PCDHA9: variants seen among roughly 807,000 people sequenced by gnomAD.
The protein encoded by PCDHA9 is protocadherin alpha-9.
In PCDHA9, 62 loss-of-function variants were observed where a neutral mutation model predicts 62.0. The observed-to-expected ratio is 1.00, with a 90% CI of 0.81 to 1.23. The LOEUF is 1.23. PCDHA9 is among the 50% of genes most tolerant of loss of function. The probability of loss-of-function intolerance (pLI) is 0.00; values close to 1 mark genes in which losing one functional copy is unlikely to be tolerated. For missense variants in PCDHA9, 1,205 were observed against 1,249.8 expected (o/e 0.96, Z 0.54); for synonymous variants, 557 against 567.6 (o/e 0.98, Z 0.27).
At chr5:140,989,007 A>C (rs1356295875) in intron 3 of PCDHA9, 1 of 152,216 alleles carries the variant, frequency 6.6e-6, no homozygotes, top group Non-Finnish European at 1.5e-5. Flanking sequence ...ATAGAGACTT[A>C]TTATAGTTTC....
At chr5:140,987,982 C>T (rs781838400) in intron 3 of PCDHA9, among the ~76,000 whole-genome samples, 16 of 152,206 alleles carry the variant, frequency 1.1e-4, no homozygotes, top group Non-Finnish European at 1.5e-4. Flanking sequence ...TCCATGGAGA[C>T]TCCATCTCTG....
intron 1 of PCDHA9, chr5:140,967,008 A>C: frequency 6.2e-7 from 1 of 1,606,216 alleles, no homozygotes. Context: ...CGCATCAACC[A>C]TCTGGGTGCG....
intron 1 of PCDHA9, chr5:140,870,888 A>G: frequency 1.9e-6 from 3 of 1,613,936 alleles, no homozygotes; most frequent in Non-Finnish European, 2.5e-6. Context: ...AGGTGCGCGC[A>G]GTGGATGCGG....
chr5:140,982,615 A>G, intron 3 of PCDHA9, 52 bp downstream of exon 3: 1 of 1,596,392 alleles, frequency 6.3e-7, no homozygotes, highest in Non-Finnish European at 8.6e-7. Context: ...AAGTGATCAG[A>G]TGACCTACTT....
intron 3 of PCDHA9, among the ~76,000 whole-genome samples, chr5:140,999,519 G>A (rs1303009823): frequency 6.6e-6 from 1 of 152,074 alleles, no homozygotes; most frequent in Non-Finnish European, 1.5e-5. Context: ...TAAGCATTTT[G>A]TTACCCCCTG....
chr5:140,851,436 G>C, intron 1 of PCDHA9: 2 of 931,614 alleles, frequency 2.1e-6, no homozygotes, highest in East Asian at 2.3e-4. Context: ...TTAGAAAACA[G>C]TTGCTCCACT....
At chr5:140,930,962 T>A (rs1193722929) in intron 1 of PCDHA9, among the ~76,000 whole-genome samples, 2 of 152,184 alleles carry the variant, frequency 1.3e-5, no homozygotes, top group African/African-American at 4.8e-5. Flanking sequence ...AAATGTACTG[T>A]TTCAATGATT....
intron 1 of PCDHA9, among the ~76,000 whole-genome samples, chr5:140,904,227 C>G (rs1373458999): frequency 2.6e-5 from 4 of 151,978 alleles, no homozygotes; most frequent in Middle Eastern, 3.2e-3. Context: ...TTGTATTATA[C>G]TTATGCCTTT....
At chr5:140,884,549 G>C (rs782470468) in intron 1 of PCDHA9, 2 of 1,614,016 alleles carry the variant, frequency 1.2e-6, no homozygotes, top group Non-Finnish European at 1.7e-6. Flanking sequence ...GGTGTGCTCT[G>C]GGGAGGGCCC....
At chr5:140,967,051 G>T in intron 1 of PCDHA9, 12 of 1,612,562 alleles carry the variant, frequency 7.4e-6, no homozygotes, top group Non-Finnish European at 9.3e-6. Context: ...TGGACCTGAC[G>T]AGTGGAGCGC....
chr5:140,886,458 T>G (rs888629917), intron 1 of PCDHA9, among the ~76,000 whole-genome samples: 1 of 152,174 alleles, frequency 6.6e-6, no homozygotes, highest in Non-Finnish European at 1.5e-5. Flanking sequence ...TTGTCATATA[T>G]AAATGTTTTT....
intron 1 of PCDHA9, among the ~76,000 whole-genome samples, chr5:140,947,807 G>T (rs542859945): frequency 3.6e-4 from 55 of 151,694 alleles, no homozygotes; most frequent in Non-Finnish European, 7.1e-4. Context: ...AATTTGCAGA[G>T]ACTATTTCTT....
intron 1 of PCDHA9, among the ~76,000 whole-genome samples, chr5:140,901,207 T>G (rs894216497): frequency 6.6e-6 from 1 of 152,206 alleles, no homozygotes; most frequent in Non-Finnish European, 1.5e-5. Flanking sequence ...AGAAGGTTTT[T>G]AAGTTGATGT....
intron 1 of PCDHA9, among the ~76,000 whole-genome samples, chr5:140,922,423 T>C (rs1554200812): frequency 6.6e-6 from 1 of 152,170 alleles, no homozygotes; most frequent in Non-Finnish European, 1.5e-5. Context: ...GTACAGAGGC[T>C]GAGGGCAGAA....
intron 1 of PCDHA9, among the ~76,000 whole-genome samples, chr5:140,954,107 C>G (rs1375819333): frequency 2.0e-5 from 3 of 152,182 alleles, no homozygotes; most frequent in Admixed American, 1.3e-4. Flanking sequence ...CTGCAAAGGA[C>G]AAGATCTTGT....
chr5:140,973,782 C>T lies in PCDHA9; in HGVS notation c.2395-5167C>T, dbSNP rs533593200. ...CACAGCCTGGCATATTATAGGTTGCCTATTGGCATGCTGTCTACTTGACAG... is the reference window on the plus strand; with the variant it reads ...CACAGCCTGGCATATTATAGGTTGCTTATTGGCATGCTGTCTACTTGACAG... On this transcript the variant is annotated intron_variant, in intron 1 of 3. Transcript: ENST00000532602. 1.5e-3 allele frequency among the ~76,000 whole-genome samples: 225 copies of T among 152,326 alleles called. 1 individual carries two copies. Among genetic ancestry groups the T allele is most frequent in the African/African-American group, 5.2e-3 (216 of 41,582 alleles).
rs77940063 is a variant in PCDHA9, at chr5:140,966,638, T to G, written c.2395-12311T>G. Reference sequence around the variant, plus strand: ...ACGGAGGGAGCGGCCCCAGGCGCTTTCTAGAGCGTGAGCGGTGGGGGAGCA... The same window carrying G: ...ACGGAGGGAGCGGCCCCAGGCGCTTGCTAGAGCGTGAGCGGTGGGGGAGCA... On this transcript the variant is annotated intron_variant, in intron 1 of 3. Transcript: ENST00000532602. The G allele has an allele frequency of 3.9e-3, 4,251 of 1,090,104 alleles. 104 individuals carry two copies. The African/African-American group carries it at 0.057, about 15-fold the overall frequency. 67.5% of individuals were successfully genotyped at this position (1,090,104 alleles called of 1,614,324 possible).
At chr5:140,972,740 T>G (rs2096553417) in intron 1 of PCDHA9, among the ~76,000 whole-genome samples, 1 of 149,910 alleles carries the variant, frequency 6.7e-6, no homozygotes, top group Admixed American at 6.8e-5. Flanking sequence ...CCCGGCTCAC[T>G]GCAACCTCCG....
chr5:140,887,728 C>T (rs1313632263), intron 1 of PCDHA9, among the ~76,000 whole-genome samples: 1 of 151,970 alleles, frequency 6.6e-6, no homozygotes, highest in Non-Finnish European at 1.5e-5. Context: ...TTTTTCTTTC[C>T]TTCCATCCTT....
Sources: gnomAD v4.1 joint callset for allele counts (sites outside exome capture counted in the v4.1 genomes callset) on GRCh38, gnomAD v4.1.1 for gene constraint, MANE v1.5 for transcripts, NCBI Gene and HGNC (gene_info 2026-07-23, HGNC 2026-07-21) for gene names.